Variants in NECAB1 observed in about 807,000 individuals in gnomAD.
NECAB1 encodes the protein N-terminal EF-hand calcium binding protein 1.
A neutral mutation model predicts 57.5 loss-of-function variants in NECAB1; 29 were observed. The ratio of observed to expected loss-of-function variants is 0.50; its 90% CI spans 0.38 to 0.69. The LOEUF is 0.69. NECAB1 is among the 30% of genes least tolerant of loss of function. The pLI is 0.00. For synonymous variants in NECAB1, 142 were observed against 147.7 expected (o/e 0.96, Z 0.28); for missense variants, 372 against 413.8 (o/e 0.90, Z 0.88).
intron 3 of NECAB1, among the ~76,000 whole-genome samples, chr8:90,843,048 A>G (rs1812481957): frequency 6.6e-6 from 1 of 152,186 alleles, no homozygotes; most frequent in South Asian, 2.1e-4. Context: ...GAGGCCTCCC[A>G]GTCATGGCAG....
At chr8:90,929,880 T>G (rs1810365422) in intron 8 of NECAB1, among the ~76,000 whole-genome samples, 1 of 152,168 alleles carries the variant, frequency 6.6e-6, no homozygotes, top group East Asian at 1.9e-4. Flanking sequence ...ATTGGCCTGG[T>G]TAAGAGTCTT....
intron 5 of NECAB1, among the ~76,000 whole-genome samples, chr8:90,900,829 T>C (rs1055935118): frequency 6.6e-6 from 1 of 152,342 alleles, no homozygotes; most frequent in Admixed American, 6.5e-5. Flanking sequence ...ACCCCAAGCC[T>C]GGGGCTCAAA....
chr8:90,813,458 TAG>T (rs1285991992), intron 2 of NECAB1, among the ~76,000 whole-genome samples: 9 of 152,074 alleles, frequency 5.9e-5, no homozygotes, highest in African/African-American at 1.7e-4. Flanking sequence ...GTTGATAATG[TAG>T]AGTCAGCTTT....
rs138858572 is a variant in NECAB1 at position 90,869,497 on chromosome 8, G to C, written c.234-2631G>C. ...CAGGGCTGAAGCTGTCCAAGGCCTT[G>C]GGAGGCCACCCCTCACATCAGTGTG... On this transcript the variant is annotated intron_variant, in intron 3 of 12. Transcript: ENST00000417640. Among the ~76,000 whole-genome samples the C allele has an allele frequency of 5.9e-4, 90 of 152,340 alleles. No homozygotes were observed. In the East Asian group the frequency reaches 0.015, roughly 26 times the overall value.
chr8:90,926,734 C>T (rs1810281550), intron 7 of NECAB1, among the ~76,000 whole-genome samples: 1 of 152,124 alleles, frequency 6.6e-6, no homozygotes, highest in Non-Finnish European at 1.5e-5. Context: ...GCAGCCAGCC[C>T]AAAATTATAC....
chr8:90,877,541 A>T (rs1461347410), intron 4 of NECAB1, among the ~76,000 whole-genome samples: 1 of 152,190 alleles, frequency 6.6e-6, no homozygotes, highest in East Asian at 1.9e-4. Context: ...TCAAACTTAA[A>T]TAAGCCTACA....
chr8:90,934,430 A>T, intron 9 of NECAB1, 73 bp downstream of exon 9: 1 of 1,056,138 alleles, frequency 9.5e-7, no homozygotes. Context: ...TTCAAAAATT[A>T]GTTATCTCAA....
intron 3 of NECAB1, among the ~76,000 whole-genome samples, chr8:90,868,911 C>T (rs1193137379): frequency 2.0e-5 from 3 of 152,198 alleles, no homozygotes; most frequent in African/African-American, 7.2e-5. Context: ...TTGTGGCAGC[C>T]CCTCCCATCA....
intron 3 of NECAB1, among the ~76,000 whole-genome samples, chr8:90,862,777 G>A (rs984099746): frequency 2.2e-5 from 2 of 89,090 alleles, no homozygotes; most frequent in Non-Finnish European, 4.2e-5. Flanking sequence ...TAAAGTATAT[G>A]AAAAGTCTAA....
chr8:90,805,364 C>A (rs1049022881), intron 2 of NECAB1, among the ~76,000 whole-genome samples: 3 of 151,074 alleles, frequency 2.0e-5, no homozygotes, highest in Non-Finnish European at 4.4e-5. Flanking sequence ...TATAATTGTT[C>A]GCCTGCCCAG....
chr8:90,820,125 A>G (rs1812121717), intron 2 of NECAB1, among the ~76,000 whole-genome samples: 1 of 151,908 alleles, frequency 6.6e-6, no homozygotes, highest in Non-Finnish European at 1.5e-5. Context: ...TGTTCCAAAT[A>G]AGCAGGTCTT....
At chr8:90,893,099 C>A (rs1271163014) in intron 5 of NECAB1, among the ~76,000 whole-genome samples, 1 of 152,142 alleles carries the variant, frequency 6.6e-6, no homozygotes, top group Non-Finnish European at 1.5e-5. Context: ...TCTGCCCTCC[C>A]TAGGTCCTTC....
At chr8:90,913,241 T>C (rs1300326864) in intron 5 of NECAB1, among the ~76,000 whole-genome samples, 1 of 152,216 alleles carries the variant, frequency 6.6e-6, no homozygotes, top group Non-Finnish European at 1.5e-5. Context: ...ATTCTAGCCC[T>C]GTTCCAGCTC....
intron 6 of NECAB1, among the ~76,000 whole-genome samples, chr8:90,918,446 C>T (rs561402223): frequency 1.3e-5 from 2 of 152,030 alleles, no homozygotes; most frequent in South Asian, 4.2e-4. Context: ...GACATGAACA[C>T]AAAAACTATA....
chr8:90,899,914 C>T (rs759643341), intron 5 of NECAB1, among the ~76,000 whole-genome samples: 7 of 152,072 alleles, frequency 4.6e-5, no homozygotes, highest in Non-Finnish European at 7.4e-5. Context: ...CTTAACTGCA[C>T]AGTATGTAGG....
chr8:90,864,426 T>C (rs1586068489), intron 3 of NECAB1, among the ~76,000 whole-genome samples: 1 of 151,990 alleles, frequency 6.6e-6, no homozygotes, highest in Non-Finnish European at 1.5e-5. Context: ...ATGAACACAG[T>C]AGAAGACTGG....
intron 12 of NECAB1, 108 bp from the exon 13 acceptor site, chr8:90,955,379 C>G: frequency 1.4e-6 from 1 of 738,660 alleles, no homozygotes. Context: ...AGTTATTATG[C>G]AGACTAAAGG....
chr8:90,805,660 G>A (rs1811835560), intron 2 of NECAB1, among the ~76,000 whole-genome samples: 1 of 151,622 alleles, frequency 6.6e-6, no homozygotes, highest in Admixed American at 6.6e-5. Context: ...TTATTTACAG[G>A]TTGAATGAAA....
At chr8:90,928,544 G>A (rs757608244) in intron 8 of NECAB1, among the ~76,000 whole-genome samples, 9 of 152,152 alleles carry the variant, frequency 5.9e-5, no homozygotes, top group Non-Finnish European at 1.3e-4. Flanking sequence ...GTGGAGTTGA[G>A]AGTTAAATAA....
Sources: allele counts gnomAD v4.1 joint callset (sites outside exome capture counted in the v4.1 genomes callset), GRCh38; gene constraint gnomAD v4.1.1; transcripts MANE v1.5; gene names NCBI Gene and HGNC (gene_info 2026-07-23, HGNC 2026-07-21).